ACTN4: variants seen among roughly 807,000 people sequenced by gnomAD.
ACTN4 encodes actinin alpha 4.
Under a neutral mutation model 114.2 loss-of-function variants are expected in ACTN4, and 18 were observed. The observed-to-expected ratio is 0.16, with a 90% CI of 0.11 to 0.23. ACTN4 has a LOEUF of 0.23. ACTN4 is among the 10% of genes least tolerant of loss of function. The pLI, the probability that ACTN4 is intolerant of heterozygous loss-of-function variation, is 1.00. For synonymous variants in ACTN4, 515 were observed against 506.3 expected, an observed-to-expected ratio of 1.02 and a Z score of -0.23; for missense variants, 722 against 1,262.9, an observed-to-expected ratio of 0.57 and a Z score of 6.49.
At chr19:38,723,093 C>T (rs1264045118) in intron 12 of ACTN4, among the ~76,000 whole-genome samples, 3 of 152,200 alleles carry the variant, frequency 2.0e-5, no homozygotes, top group African/African-American at 7.2e-5. Context: ...ACTGAGGGAA[C>T]CGAGGCACAG....
chr19:38,697,532 C>T (rs1434981034), intron 1 of ACTN4, among the ~76,000 whole-genome samples: 2 of 152,256 alleles, frequency 1.3e-5, no homozygotes, highest in Non-Finnish European at 2.9e-5. Context: ...TAGGTAAAGT[C>T]ACTTGGTTGA....
In ACTN4 at chr19:38,700,698, C is replaced by G. The variant is rs781451819; in HGVS notation, c.261C>G (p.Leu87=). 1.3e-5 allele frequency: 21 copies of G among 1,613,768 alleles called. No homozygotes were observed. Among genetic ancestry groups the G allele is most frequent in the Non-Finnish European group, 1.8e-5 (21 of 1,179,856 alleles). ...GAGACGGGCTCAAGCTCATGCTGCTCCTGGAGGTCATATCAGGTGAGACTC... is the reference window on the plus strand; with the variant it reads ...GAGACGGGCTCAAGCTCATGCTGCTGCTGGAGGTCATATCAGGTGAGACTC... ...DFRDGLKLML[L]LEVISGERLP... is the part of the protein sequence containing the mutation. The change falls in exon 2 of 21, where the codon CTC becomes CTG. Residue 87 remains leucine, a synonymous_variant. Transcript: ENST00000252699.
chr19:38,648,964 G>C (rs766736223), intron 1 of ACTN4, among the ~76,000 whole-genome samples: 1 of 151,872 alleles, frequency 6.6e-6, no homozygotes, highest in Non-Finnish European at 1.5e-5. Flanking sequence ...AAGGGAATGC[G>C]TAATGGATAG....
rs553390992 is a variant in ACTN4 at position 38,727,776 on chromosome 19, C to A, written c.2338-170C>A. ...GGGAAAGGATGAAAGGGGCCCGTGCCGCCCCCGACCCCACGTGTCCCTGGC... is the reference window on the plus strand; with the variant it reads ...GGGAAAGGATGAAAGGGGCCCGTGCAGCCCCCGACCCCACGTGTCCCTGGC... On this transcript the variant is annotated intron_variant, in intron 18 of 20. Coordinates refer to ENST00000252699, the MANE Select transcript of ACTN4 (RefSeq NM_004924.6). The surrounding 1 kb of genome is among the most constrained non-coding windows in gnomAD (Gnocchi z 5.4). 5.0e-5 allele frequency: 33 copies of A among 657,536 alleles called. No individual in the cohort carries two copies. Among genetic ancestry groups the A allele is most frequent in the Non-Finnish European group, 7.2e-5 (27 of 375,150 alleles). 40.7% of individuals were successfully genotyped at this position (657,536 alleles called of 1,614,324 possible). A position where few individuals can be genotyped will look rare whatever the true frequency, so the allele number is the denominator to read the frequency against.
chr19:38,723,843 C>T, intron 13 of ACTN4, 94 bp from the exon 14 acceptor site: 2 of 1,503,362 alleles, frequency 1.3e-6, no homozygotes, highest in Non-Finnish European at 1.8e-6. Context: ...TGTTCTCTGA[C>T]TCCTCAGGGC....
At position 38,730,849 on chromosome 19, in the gene ACTN4, A is replaced by T; in HGVS notation, c.*1417A>T. The T allele has an allele frequency of 6.4e-7, 1 of 1,551,088 alleles. No individual in the cohort carries two copies. The highest frequency in any genetic ancestry group is 2.4e-5 in the East Asian group (1 of 41,044). ...GAGCAGCAGGTGCGCCCATCCGGAGATCCTAGGAGAAGGTGGCCACCTCCA... is the reference window on the plus strand; with the variant it reads ...GAGCAGCAGGTGCGCCCATCCGGAGTTCCTAGGAGAAGGTGGCCACCTCCA... On this transcript the variant is annotated 3_prime_UTR_variant, in exon 21 of 21. Coordinates refer to ENST00000252699, the MANE Select transcript of ACTN4 (RefSeq NM_004924.6).
intron 1 of ACTN4, among the ~76,000 whole-genome samples, chr19:38,689,946 AGG>A (rs1967869005): frequency 6.6e-6 from 1 of 152,226 alleles, no homozygotes; most frequent in African/African-American, 2.4e-5. Context: ...TAGCTGGGGA[AGG>A]TGATCGCACC....
chr19:38,672,109 G>C (rs1482510384), intron 1 of ACTN4, among the ~76,000 whole-genome samples: 1 of 152,086 alleles, frequency 6.6e-6, no homozygotes, highest in Non-Finnish European at 1.5e-5. Context: ...TAGGATGAGA[G>C]AGTTTCTCGC....
chr19:38,648,045 A>T (rs2144806934), intron 1 of ACTN4, 138 bp downstream of exon 1: 1 of 1,042,408 alleles, frequency 9.6e-7, no homozygotes, highest in South Asian at 2.1e-5. Flanking sequence ...GGGTCCGGGA[A>T]GGGAATTGGA....
At chr19:38,651,599 C>T (rs1223250729) in intron 1 of ACTN4, among the ~76,000 whole-genome samples, 2 of 152,084 alleles carry the variant, frequency 1.3e-5, no homozygotes, top group African/African-American at 4.8e-5. Flanking sequence ...ATTTCAGGGG[C>T]CTCAATGTTT....
intron 1 of ACTN4, among the ~76,000 whole-genome samples, chr19:38,697,938 G>GC (rs1401222460): frequency 6.6e-6 from 1 of 152,238 alleles, no homozygotes; most frequent in Non-Finnish European, 1.5e-5. Context: ...TGCCATCAAG[G>GC]CTGGCAGTGC....
Position 38,677,474 on chromosome 19 carries a change from G to A in ACTN4, c.163-23126G>A, listed in dbSNP as rs115203340. 2.5e-3 allele frequency among the ~76,000 whole-genome samples: 382 copies of A among 152,180 alleles called. 3 individuals are homozygous for A. Among genetic ancestry groups the A allele is most frequent in the African/African-American group, 8.9e-3 (371 of 41,528 alleles). ...CACTCAAACAAGTGGCTGGATGGAT[G>A]AGTGGCAGATCCATTCTGTCTTTCT... On this transcript the variant is annotated intron_variant, in intron 1 of 20. Transcript: ENST00000252699.
At chr19:38,689,188 A>G (rs1230217309) in intron 1 of ACTN4, among the ~76,000 whole-genome samples, 1 of 152,248 alleles carries the variant, frequency 6.6e-6, no homozygotes, top group Non-Finnish European at 1.5e-5. Context: ...AATGCCCATC[A>G]GCCAATGAAT....
chr19:38,718,209 T>C, intron 11 of ACTN4, 135 bp downstream of exon 11: 2 of 1,414,252 alleles, frequency 1.4e-6, no homozygotes, highest in Non-Finnish European at 1.9e-6. Context: ...TCTTGCTGCT[T>C]GGGAGCATGT....
Position 38,731,315 on chromosome 19 carries a change from G to GCCACAGGGTGTC in ACTN4, c.*1884_*1895dup. 1 of 948,594 alleles carries GCCACAGGGTGTC rather than the reference G, an allele frequency of 1.1e-6. No individual in the cohort carries two copies. Among genetic ancestry groups the GCCACAGGGTGTC allele is most frequent in the Non-Finnish European group, 1.7e-6 (1 of 592,456 alleles). 58.8% of individuals were successfully genotyped at this position (948,594 alleles called of 1,614,324 possible). A position where few individuals can be genotyped will look rare whatever the true frequency, so the allele number is the denominator to read the frequency against. On this transcript the variant is annotated 3_prime_UTR_variant, in exon 21 of 21. Coordinates refer to ENST00000252699, the MANE Select transcript of ACTN4 (RefSeq NM_004924.6). Reference sequence around the variant, plus strand: ...CCACCTCCTCAGGGAGGACATGAATGCCACAGGGTGTCACACCCCAACTCT... The same window carrying GCCACAGGGTGTC: ...CCACCTCCTCAGGGAGGACATGAATGCCACAGGGTGTCCCACAGGGTGTCACACCCCAACTCT...
chr19:38,699,148 C>A (rs1262212793), intron 1 of ACTN4, among the ~76,000 whole-genome samples: 1 of 152,172 alleles, frequency 6.6e-6, no homozygotes, highest in Non-Finnish European at 1.5e-5. Context: ...CCTGAAGGCG[C>A]CTGGGCGTGT....
intron 1 of ACTN4, among the ~76,000 whole-genome samples, chr19:38,692,298 A>T (rs953763797): frequency 3.3e-5 from 5 of 152,242 alleles, no homozygotes; most frequent in African/African-American, 1.2e-4. Context: ...TGTGTCGCTG[A>T]ACTGCCGCAG....
intron 1 of ACTN4, 61 bp from the exon 2 acceptor site, chr19:38,700,539 G>A: frequency 7.0e-7 from 1 of 1,430,316 alleles, no homozygotes; most frequent in Non-Finnish European, 9.9e-7. Context: ...CTGCAGGTGT[G>A]TGGAGAGAGC....
chr19:38,728,023 G>A lies in ACTN4; in HGVS notation c.2415G>A (p.Arg805=). Residue 805 remains arginine, a synonymous_variant, in exon 19 of 21, where the codon CGG becomes CGA. Transcript: ENST00000252699. ...TGGGCTACGACGTGGAGAACGACCG[G>A]CAGGTACTGCACCCTGGGCCCCAGC... ...ISLGYDVEND[R]QGEAEFNRIM... is the part of the protein sequence containing the mutation. 2 of 1,611,484 alleles carry A rather than the reference G, an allele frequency of 1.2e-6. No homozygotes were observed. The highest frequency in any genetic ancestry group is 1.1e-5 in the South Asian group (1 of 90,746).
Sources: gnomAD v4.1 joint callset for allele counts (sites outside exome capture counted in the v4.1 genomes callset) on GRCh38, gnomAD v4.1.1 for gene constraint, Gnocchi (gnomAD v3.1) non-coding constraint, MANE v1.5 for transcripts, NCBI Gene and HGNC (gene_info 2026-07-23, HGNC 2026-07-21) for gene names.